Variants in MAPRE2 observed in about 807,000 individuals in gnomAD.
MAPRE2 encodes the protein microtubule-associated protein RP/EB family member 2.
MAPRE2 carries 13 observed loss-of-function variants against 43.2 expected under a neutral mutation model. The observed-to-expected ratio is 0.30, with a 90% confidence interval of 0.20 to 0.48. The LOEUF (loss-of-function observed/expected upper bound fraction) is 0.48. Among genes scored for constraint, MAPRE2 ranks in the 20% least tolerant of loss-of-function variants. MAPRE2 has a pLI of 0.99. For synonymous variants in MAPRE2, 135 were observed against 148.8 expected (o/e 0.91, Z 0.68); for missense variants, 161 against 400.2 (o/e 0.40, Z 5.10).
At chr18:35,035,203 T>G (rs2150594407) in intron 2 of MAPRE2, among the ~76,000 whole-genome samples, 2 of 152,122 alleles carry the variant, frequency 1.3e-5, no homozygotes, top group African/African-American at 4.8e-5. Flanking sequence ...TGAGCTCATG[T>G]CCTTTGTAGG....
chr18:35,105,750 A>G (rs1254894386), intron 4 of MAPRE2, among the ~76,000 whole-genome samples: 2 of 152,060 alleles, frequency 1.3e-5, no homozygotes, highest in Non-Finnish European at 2.9e-5. Context: ...AATAGAAAGT[A>G]CAAACCTCAG....
intron 1 of MAPRE2, among the ~76,000 whole-genome samples, chr18:35,064,888 G>T (rs1303005944): frequency 1.3e-5 from 2 of 152,222 alleles, no homozygotes; most frequent in African/African-American, 4.8e-5. Context: ...CTAAAGTCAT[G>T]TGTATCAGTG....
chr18:35,000,296 T>C (rs2097028671), intron 1 of MAPRE2, among the ~76,000 whole-genome samples: 1 of 152,220 alleles, frequency 6.6e-6, no homozygotes, highest in Non-Finnish European at 1.5e-5. Context: ...GAGGATGCTT[T>C]AACCTTGTGT....
chr18:35,068,033 G>T (rs1384093742), intron 1 of MAPRE2, among the ~76,000 whole-genome samples: 1 of 152,104 alleles, frequency 6.6e-6, no homozygotes, highest in African/African-American at 2.4e-5. Flanking sequence ...TTAGAGATAA[G>T]GGTGCTTCTG....
At chr18:35,117,394 T>C (rs900965169) in intron 4 of MAPRE2, among the ~76,000 whole-genome samples, 1 of 152,228 alleles carries the variant, frequency 6.6e-6, no homozygotes, top group African/African-American at 2.4e-5. Flanking sequence ...CCGCAAACAC[T>C]GGTCTTGCTA....
rs540906624 is a variant in MAPRE2 at position 35,032,881 on chromosome 18, T to C, written c.-8+27328T>C. Among the ~76,000 whole-genome samples the C allele has an allele frequency of 1.6e-4, 24 of 152,266 alleles. 1 individual carries two copies. Among genetic ancestry groups the C allele is most frequent in the Admixed American group, 1.4e-3 (22 of 15,288 alleles). On this transcript the variant is annotated intron_variant, in intron 2 of 7. Coordinates refer to the MAPRE2 transcript ENST00000413393. Reference sequence around the variant, plus strand: ...GATCAATTCATCTGATGCCTAACAGTTGGTCATTAATTAACATATCCTTCC... The same window carrying C: ...GATCAATTCATCTGATGCCTAACAGCTGGTCATTAATTAACATATCCTTCC...
At chr18:35,120,955 A>G (rs1220422129) in intron 4 of MAPRE2, among the ~76,000 whole-genome samples, 2 of 152,234 alleles carry the variant, frequency 1.3e-5, no homozygotes, top group African/African-American at 4.8e-5. Flanking sequence ...GGGATTGACC[A>G]TGACCAGAAG....
chr18:35,035,286 C>G (rs1323431690), intron 2 of MAPRE2, among the ~76,000 whole-genome samples: 2 of 151,326 alleles, frequency 1.3e-5, no homozygotes, highest in African/African-American at 2.4e-5. Context: ...ACCGCATGTT[C>G]TCACTCGTAG....
chr18:35,112,159 G>C (rs1350084023), intron 4 of MAPRE2, among the ~76,000 whole-genome samples: 1 of 150,410 alleles, frequency 6.6e-6, no homozygotes, highest in African/African-American at 2.4e-5. Context: ...GCAGAACACT[G>C]TTTCTTTCTT....
chr18:35,045,162 G>A (rs996829900), intron 1 of MAPRE2, among the ~76,000 whole-genome samples: 4 of 152,132 alleles, frequency 2.6e-5, no homozygotes, highest in Non-Finnish European at 5.9e-5. Context: ...TGTATTTTAA[G>A]ACCTGCTTAA....
At chr18:34,985,305 T>TAATATATA (rs1491109694) in intron 1 of MAPRE2, among the ~76,000 whole-genome samples, 1 of 19,882 alleles carries the variant, frequency 5.0e-5, no homozygotes, top group African/African-American at 2.2e-4. Flanking sequence ...TTATATATTG[T>TAATATATA]ATATATTATA....
At chr18:35,000,885 A>C (rs529627437) in intron 1 of MAPRE2, among the ~76,000 whole-genome samples, 1 of 152,318 alleles carries the variant, frequency 6.6e-6, no homozygotes, top group East Asian at 1.9e-4. Flanking sequence ...TGTATGGTCC[A>C]GTTTTGAATA....
intron 4 of MAPRE2, among the ~76,000 whole-genome samples, chr18:35,104,674 T>C (rs1443888084): frequency 1.3e-5 from 2 of 152,110 alleles, no homozygotes; most frequent in African/African-American, 4.8e-5. Flanking sequence ...TGGGTAAAAA[T>C]TAAGCCACAA....
chr18:35,085,101 T>C (rs1423536125), intron 2 of MAPRE2, among the ~76,000 whole-genome samples: 1 of 152,220 alleles, frequency 6.6e-6, no homozygotes, highest in East Asian at 1.9e-4. Context: ...TTTAAATTCC[T>C]TTAAAATGTT....
chr18:34,985,313 A>ATTTTC (rs1568961551), intron 1 of MAPRE2, among the ~76,000 whole-genome samples: 2 of 45,308 alleles, frequency 4.4e-5, no homozygotes, highest in African/African-American at 1.9e-4. Context: ...TGTATATATT[A>ATTTTC]TATTATATAT....
chr18:35,053,156 G>T (rs1431789955), intron 1 of MAPRE2, among the ~76,000 whole-genome samples: 1 of 152,164 alleles, frequency 6.6e-6, no homozygotes, highest in African/African-American at 2.4e-5. Flanking sequence ...CACTTTGGGA[G>T]GCTGAGGTGG....
At chr18:35,014,349 A>G (rs944507320) in intron 2 of MAPRE2, among the ~76,000 whole-genome samples, 1 of 151,568 alleles carries the variant, frequency 6.6e-6, no homozygotes, top group Non-Finnish European at 1.5e-5. Context: ...TTTGGAGGCC[A>G]TCAGTTTACA....
At chr18:35,108,267 C>T (rs1453925731) in intron 4 of MAPRE2, among the ~76,000 whole-genome samples, 1 of 152,122 alleles carries the variant, frequency 6.6e-6, no homozygotes, top group East Asian at 1.9e-4. Flanking sequence ...AGATGGCTTC[C>T]AGCTTTATCC....
Position 34,985,496 on chromosome 18 carries a change from T to TATAA in MAPRE2, c.-70+8420_-70+8421insAATA, listed in dbSNP as rs574184040. 2.2e-3 allele frequency among the ~76,000 whole-genome samples: 95 copies of TATAA among 43,458 alleles called. 3 individuals are homozygous for TATAA. The highest frequency in any genetic ancestry group is 9.1e-3 in the African/African-American group (86 of 9,448). 28.5% of individuals were successfully genotyped at this position (43,458 alleles called of 152,430 possible). A position where few individuals can be genotyped will look rare whatever the true frequency, so the allele number is the denominator to read the frequency against. On this transcript the variant is annotated intron_variant, in intron 1 of 7. Transcript: ENST00000413393. The stretch of plus-strand genomic sequence containing the variant: ...AATATATAATATATATATTGTATAT[T>TATAA]ATATAATATATAATATATATATTAT...
Sources: allele counts gnomAD v4.1 joint callset (sites outside exome capture counted in the v4.1 genomes callset), GRCh38; gene constraint gnomAD v4.1.1; transcripts MANE v1.5; gene names NCBI Gene and HGNC (gene_info 2026-07-23, HGNC 2026-07-21).